Variants in ZNF778 observed in about 807,000 individuals in gnomAD.
ZNF778 encodes zinc finger protein 778.
ZNF778 carries 37 observed loss-of-function variants against 23.9 expected under a neutral mutation model. The ratio of observed to expected loss-of-function variants is 1.54; its 90% CI spans 1.19 to 2.03. The LOEUF (loss-of-function observed/expected upper bound fraction) is 2.03, where lower values mean the gene tolerates loss of function less well. Ranked by LOEUF, ZNF778 falls within the 30% of genes most tolerant of loss-of-function variation. The pLI, the probability that ZNF778 is intolerant of heterozygous loss-of-function variation, is 0.00. For synonymous variants in ZNF778, 483 were observed against 343.9 expected, an observed-to-expected ratio of 1.40 and a Z score of -4.48; for missense variants, 1,297 against 934.4, an observed-to-expected ratio of 1.39 and a Z score of -5.06.
chr16:89,234,487 T>C lies in ZNF778; in HGVS notation c.*5925T>C. On this transcript the variant is annotated 3_prime_UTR_variant, in exon 7 of 7. Transcript: ENST00000433976. The stretch of plus-strand genomic sequence containing the variant: ...CCTTTTTGGATGAAGTACCTGGTCT[T>C]GTTTTTTCCTGGTTTGTTTGATCTT... The C allele has an allele frequency of 5.6e-6, 1 of 179,556 alleles. No homozygotes were observed. Among genetic ancestry groups the C allele is most frequent in the Non-Finnish European group, 1.2e-5 (1 of 83,614 alleles). 11.1% of individuals were successfully genotyped at this position (179,556 alleles called of 1,614,324 possible).
Position 89,228,014 on chromosome 16 carries a change from C to G in ZNF778, c.1726C>G (p.Leu576Val). 1 of 1,589,124 alleles carries G rather than the reference C, an allele frequency of 6.3e-7. No homozygotes were observed. Among genetic ancestry groups the G allele is most frequent in the Non-Finnish European group, 8.6e-7 (1 of 1,164,624 alleles). ...GAAATCCTTCAGAAATTCCTCGTGC[C>G]TGAATAAGCACATTCAGATTCACAC... Reference protein sequence around the residue: ...CRKSFRNSSCLNKHIQIHTGI... With the variant: ...CRKSFRNSSCVNKHIQIHTGI... Residue 576 changes from leucine to valine, a missense_variant, in exon 7 of 7, where the codon CTG becomes GTG. Coordinates refer to ENST00000433976, the MANE Select transcript of ZNF778 (RefSeq NM_001201407.2).
rs1294983530 is a variant in ZNF778, at chr16:89,229,751, G to A, written c.*1189G>A. On this transcript the variant is annotated 3_prime_UTR_variant, in exon 7 of 7. Coordinates refer to ENST00000433976, the MANE Select transcript of ZNF778 (RefSeq NM_001201407.2). ...TGTGTGAGCAGCGTAGGCTCTGGTT[G>A]GTTAGTCTTGAGGATCCAGATGTGA... 1 of 984,078 alleles carries A rather than the reference G, an allele frequency of 1.0e-6. No homozygotes were observed. Among genetic ancestry groups the A allele is most frequent in the Non-Finnish European group, 1.2e-6 (1 of 829,722 alleles). 61.0% of individuals were successfully genotyped at this position (984,078 alleles called of 1,614,324 possible).
intron 2 of ZNF778, among the ~76,000 whole-genome samples, chr16:89,221,856 CTGTGTG>C (rs371607531): frequency 1.4e-5 from 2 of 139,168 alleles, no homozygotes; most frequent in African/African-American, 2.7e-5. Flanking sequence ...AAGTGTATGG[CTGTGTG>C]TGTGTGTGTG....
rs374585087 is a variant in ZNF778, at chr16:89,227,470, A to G, written c.1182A>G (p.Ala394=). Residue 394 remains alanine (A), a synonymous_variant, in exon 7 of 7, where the codon GCA becomes GCG. Coordinates refer to ENST00000433976, the MANE Select transcript of ZNF778 (RefSeq NM_001201407.2). Reference sequence around the variant, plus strand: ...CTCACACGAGGGAGAAGCCCTTTGCATGTGTGGTTTGCGGAAAATATTTTA... The same window carrying G: ...CTCACACGAGGGAGAAGCCCTTTGCGTGTGTGGTTTGCGGAAAATATTTTA... ...GKTHTREKPF[A]CVVCGKYFRN... 1 of 1,613,932 alleles carries G rather than the reference A, an allele frequency of 6.2e-7. No individual in the cohort carries two copies. The highest frequency in any genetic ancestry group is 8.5e-7 in the Non-Finnish European group (1 of 1,179,888).
Position 89,226,818 on chromosome 16 carries a change from AT to A in ZNF778, c.532del (p.Tyr178MetfsTer85). 1.9e-6 allele frequency: 3 copies of A among 1,614,028 alleles called. No individual in the cohort carries two copies. The highest frequency in any genetic ancestry group is 2.5e-6 in the Non-Finnish European group (3 of 1,179,896). The stretch of plus-strand genomic sequence containing the variant: ...ACAGGAGACAGTTGTGTGTCTAATC[AT>A]TATGAAAGGGACTTTTTTATTCCAT... ...QNTGDSCVSN[H>X]YERDFFIPCQ... On this transcript the variant is annotated frameshift_variant, in exon 7 of 7. Transcript: ENST00000433976. LOFTEE classifies it low-confidence loss of function (END_TRUNC).
rs2031728548 is a variant in ZNF778, at chr16:89,228,696, G to A, written c.*134G>A. 3 of 1,466,082 alleles carry A rather than the reference G, an allele frequency of 2.0e-6. No individual in the cohort carries two copies. Among genetic ancestry groups the A allele is most frequent in the Non-Finnish European group, 2.7e-6 (3 of 1,113,612 alleles). The allele number at this position is 1,466,082 out of a possible 1,614,324, so 90.8% of individuals were successfully genotyped here. On this transcript the variant is annotated 3_prime_UTR_variant, in exon 7 of 7. Transcript: ENST00000433976. ...CATCTCATCACAACCCGGCAGGCAG[G>A]AACTCACCCTGGAGCCCTATGCAGC... is the stretch of plus-strand genomic sequence containing the variant.
At chr16:89,218,608 G>A (rs1355720367) in intron 1 of ZNF778, among the ~76,000 whole-genome samples, 2 of 149,390 alleles carry the variant, frequency 1.3e-5, no homozygotes, top group African/African-American at 5.0e-5. Flanking sequence ...TGGCTAACAC[G>A]GTGAAACCCC....
rs779871271 is a variant in ZNF778 at position 89,228,511 on chromosome 16, C to T, written c.2223C>T (p.Ser741=). Residue 741 remains serine (S), a synonymous_variant, in exon 7 of 7, where the codon TCC becomes TCT. Transcript: ENST00000433976. ...CKDCGKSFKN[S]SCLNHHTQIH... ...ACTGTGGAAAATCTTTTAAGAATTC[C>T]TCATGCCTTAACCATCACACTCAAA... 8.7e-6 allele frequency: 14 copies of T among 1,606,708 alleles called. No individual in the cohort carries two copies. Among genetic ancestry groups the T allele is most frequent in the Non-Finnish European group, 9.3e-6 (11 of 1,177,666 alleles).
At position 89,227,713 on chromosome 16, in the gene ZNF778, A is replaced by G. The variant is rs375449537; in HGVS notation, c.1425A>G (p.Lys475=). ...ATGTAAGGACTCACACTGGAGAGAA[A>G]CCATATGAATGTAAAGATTGTGGGA... is the stretch of plus-strand genomic sequence containing the variant. ...TEHVRTHTGE[K]PYECKDCGKS... The change falls in exon 7 of 7, where the codon AAA becomes AAG. Residue 475 remains lysine, a synonymous_variant. Coordinates refer to ENST00000433976, the MANE Select transcript of ZNF778 (RefSeq NM_001201407.2). 12 of 1,614,064 alleles carry G rather than the reference A, an allele frequency of 7.4e-6. No homozygotes were observed. In the African/African-American group the frequency reaches 8.0e-5, roughly 11 times the overall value.
rs2031997753 is a variant in ZNF778, at chr16:89,232,820, TCACACCGTATATGCAACTCAAC to T, written c.*4259_*4280del. 6.2e-6 allele frequency: 8 copies of T among 1,289,086 alleles called. No individual in the cohort carries two copies. The highest frequency in any genetic ancestry group is 4.6e-5 in the Admixed American group (2 of 43,554). 79.9% of individuals were successfully genotyped at this position (1,289,086 alleles called of 1,614,324 possible). ...CAACTCACTGCATATGCAACTCAAC[TCACACCGTATATGCAACTCAAC>T]TCACACCGTGTATGCAAATCAACTC... On this transcript the variant is annotated 3_prime_UTR_variant, in exon 7 of 7. Transcript: ENST00000433976.
In ZNF778 at chr16:89,232,307, CAA is replaced by C; in HGVS notation, c.*3747_*3748del. 1 of 230,496 alleles carries C rather than the reference CAA, an allele frequency of 4.3e-6. No homozygotes were observed. The highest frequency in any genetic ancestry group is 5.8e-5 in the South Asian group (1 of 17,190). The allele number at this position is 230,496 out of a possible 1,614,324, so 14.3% of individuals were successfully genotyped here. On this transcript the variant is annotated 3_prime_UTR_variant, in exon 7 of 7. Coordinates refer to ENST00000433976, the MANE Select transcript of ZNF778 (RefSeq NM_001201407.2). ...ACCTTCTCTGCCCTGTTTGACACAG[CAA>C]ATAGTCCTCACCAGAAGCAGGTCAG...
chr16:89,221,152 G>A lies in ZNF778; in HGVS notation c.25G>A (p.Gly9Arg), dbSNP rs763303975. 18 of 1,562,362 alleles carry A rather than the reference G, an allele frequency of 1.2e-5. No individual in the cohort carries two copies. Among genetic ancestry groups the A allele is most frequent in the African/African-American group, 4.1e-5 (3 of 73,574 alleles). The change falls in exon 2 of 7, where the codon GGA (glycine) becomes AGA (arginine). Residue 9 changes from glycine (G) to arginine (R), a missense_variant and splice_region_variant. By Grantham distance (125) the Gly-to-Arg change is moderately radical. Coordinates refer to ENST00000433976, the MANE Select transcript of ZNF778 (RefSeq NM_001201407.2). ...GATGGCAGCCCCTGACCTGGCCCAC[G>A]GTAAGTCCTGGTGGGGCTCCTTCTC... MAAPDLAH[G>R]GHVSRDSVCL...
chr16:89,227,380 C>T lies in ZNF778; in HGVS notation c.1092C>T (p.Pro364=), dbSNP rs376427960. ...KHVQTDPGQK[P]YECKDCGKAC... is the part of the protein sequence containing the mutation. ...TCCAAACAGACCCTGGACAGAAGCC[C>T]TATGAATGTAAGGACTGTGGGAAAG... Residue 364 remains proline (P), a synonymous_variant, in exon 7 of 7, where the codon CCC becomes CCT. Transcript: ENST00000433976. 1.2e-6 allele frequency: 2 copies of T among 1,613,970 alleles called. No homozygotes were observed. The highest frequency in any genetic ancestry group is 2.2e-5 in the South Asian group (2 of 91,078).
chr16:89,222,712 C>G (rs545948616), intron 3 of ZNF778, among the ~76,000 whole-genome samples: 4 of 152,314 alleles, frequency 2.6e-5, no homozygotes, highest in African/African-American at 9.6e-5. Flanking sequence ...GTGTTTCGTA[C>G]TTTGCTTAGT....
In ZNF778 at chr16:89,231,963, C is replaced by T. The variant is rs1380390584; in HGVS notation, c.*3401C>T. Reference sequence around the variant, plus strand: ...AATTGTCAAACTCATCCCTTTATCACCTTTATAACTCCTCAAGGATATTAT... The same window carrying T: ...AATTGTCAAACTCATCCCTTTATCATCTTTATAACTCCTCAAGGATATTAT... On this transcript the variant is annotated 3_prime_UTR_variant, in exon 7 of 7. Transcript: ENST00000433976. 6.5e-6 allele frequency: 1 copy of T among 152,752 alleles called. No homozygotes were observed. Among genetic ancestry groups the T allele is most frequent in the Non-Finnish European group, 1.5e-5 (1 of 68,490 alleles). The allele number at this position is 152,752 out of a possible 1,614,324, so 9.5% of individuals were successfully genotyped here. A position where few individuals can be genotyped will look rare whatever the true frequency, so the allele number is the denominator to read the frequency against.
At position 89,229,042 on chromosome 16, in the gene ZNF778, G is replaced by C; in HGVS notation, c.*480G>C. On this transcript the variant is annotated 3_prime_UTR_variant, in exon 7 of 7. Transcript: ENST00000433976. Reference sequence around the variant, plus strand: ...GGGCTAACTTGAGACATGTCTTTCTGGGGGTTCTGTAGACGTATTTTGAAT... The same window carrying C: ...GGGCTAACTTGAGACATGTCTTTCTCGGGGTTCTGTAGACGTATTTTGAAT... 2 of 991,660 alleles carry C rather than the reference G, an allele frequency of 2.0e-6. No individual in the cohort carries two copies. The highest frequency in any genetic ancestry group is 2.4e-6 in the Non-Finnish European group (2 of 834,092). 61.4% of individuals were successfully genotyped at this position (991,660 alleles called of 1,614,324 possible). A position where few individuals can be genotyped will look rare whatever the true frequency, so the allele number is the denominator to read the frequency against.
intron 3 of ZNF778, 42 bp from the exon 4 acceptor site, chr16:89,223,115 G>A (rs796632921): frequency 1.3e-6 from 2 of 1,598,308 alleles, no homozygotes. Context: ...GAATACCGAT[G>A]GACACGTTGG....
rs552653510 is a variant in ZNF778, at chr16:89,220,439, C to T, written c.-131-558C>T. Among the ~76,000 whole-genome samples the T allele has an allele frequency of 1.1e-4, 16 of 152,232 alleles. No individual in the cohort carries two copies. The South Asian group carries it at 2.9e-3, about 28-fold the overall frequency. On this transcript the variant is annotated intron_variant, in intron 1 of 6. Transcript: ENST00000433976. ...TTGGGAGGCCGAGGTGGGCGGATCACGAGGTCAGGAGATCAAGACCATCCT... is the reference window on the plus strand; with the variant it reads ...TTGGGAGGCCGAGGTGGGCGGATCATGAGGTCAGGAGATCAAGACCATCCT...
rs745632453 is a variant in ZNF778 at position 89,226,865 on chromosome 16, A to G, written c.577A>G (p.Ile193Val). 5 of 1,614,044 alleles carry G rather than the reference A, an allele frequency of 3.1e-6. No individual in the cohort carries two copies. The highest frequency in any genetic ancestry group is 1.1e-5 in the South Asian group (1 of 91,084). ...TCCATGCCAGAAAACCTTGTTCAAAATTGGAGAGCAGTTTTCCGTGTTGGG... is the reference window on the plus strand; with the variant it reads ...TCCATGCCAGAAAACCTTGTTCAAAGTTGGAGAGCAGTTTTCCGTGTTGGG... ...FIPCQKTLFK[I>V]GEQFSVLGQC... Residue 193 changes from isoleucine to valine, a missense_variant, in exon 7 of 7, where the codon ATT becomes GTT. By Grantham distance (29) the Ile-to-Val change is conservative (BLOSUM62 3). Coordinates refer to ENST00000433976, the MANE Select transcript of ZNF778 (RefSeq NM_001201407.2).
Sources: allele counts gnomAD v4.1 joint callset (sites outside exome capture counted in the v4.1 genomes callset), GRCh38; gene constraint gnomAD v4.1.1; transcripts MANE v1.5; gene names NCBI Gene and HGNC (gene_info 2026-07-23, HGNC 2026-07-21).